Variants in NEK1 observed in about 807,000 individuals in gnomAD.
NEK1 encodes NIMA related kinase 1.
Under a neutral mutation model 182.1 loss-of-function variants are expected in NEK1, and 137 were observed. The ratio of observed to expected loss-of-function variants is 0.75; its 90% CI spans 0.65 to 0.87. NEK1 has a LOEUF of 0.87. Among genes scored for constraint, NEK1 ranks in the 40% least tolerant of loss-of-function variants. The pLI is 0.00. For synonymous variants in NEK1, 513 were observed against 492.2 expected (o/e 1.04, Z -0.56); for missense variants, 1,391 against 1,494.4 (o/e 0.93, Z 1.14).
intron 18 of NEK1, among the ~76,000 whole-genome samples, chr4:169,553,390 T>C (rs971366392): frequency 1.3e-5 from 2 of 152,042 alleles, no homozygotes; most frequent in African/African-American, 4.8e-5. Flanking sequence ...AGATAAAACA[T>C]TAAACTATAA....
chr4:169,595,403 G>A (rs1769268432), intron 5 of NEK1, among the ~76,000 whole-genome samples: 1 of 152,066 alleles, frequency 6.6e-6, no homozygotes, highest in Non-Finnish European at 1.5e-5. Context: ...AACTTAAAAT[G>A]ATATTTGATC....
chr4:169,505,710 T>C (rs1451988985), intron 23 of NEK1, among the ~76,000 whole-genome samples: 2 of 152,216 alleles, frequency 1.3e-5, no homozygotes, highest in Admixed American at 6.5e-5. Flanking sequence ...CTATGATGTA[T>C]ATCACGACTA....
chr4:169,574,157 C>CA lies in NEK1; in HGVS notation c.1020+2770dup, dbSNP rs1344144013. Among the ~76,000 whole-genome samples, 5 of 151,430 alleles carry CA rather than the reference C, an allele frequency of 3.3e-5. No homozygotes were observed. The Middle Eastern group carries it at 0.017, about 519-fold the overall frequency. ...TGGGCAACAGAGCAAGACTCTTTCTCAAAAAGAAAAGAAAAGAGAAAGAAA... is the reference window on the plus strand; with the variant it reads ...TGGGCAACAGAGCAAGACTCTTTCTCAAAAAAGAAAAGAAAAGAGAAAGAAA... On this transcript the variant is annotated intron_variant, in intron 12 of 35. Coordinates refer to ENST00000507142, the MANE Select transcript of NEK1 (RefSeq NM_001199397.3).
chr4:169,528,197 G>A (rs1757169621), intron 19 of NEK1, among the ~76,000 whole-genome samples: 1 of 152,092 alleles, frequency 6.6e-6, no homozygotes, highest in African/African-American at 2.4e-5. Flanking sequence ...AACAGACTAT[G>A]ACAAAAGTAA....
chr4:169,482,424 T>A (rs1228954524), intron 23 of NEK1, among the ~76,000 whole-genome samples: 1 of 151,928 alleles, frequency 6.6e-6, no homozygotes, highest in African/African-American at 2.4e-5. Flanking sequence ...CTCAATGTGG[T>A]TGGGACTATA....
chr4:169,427,123 T>G (rs1736531921), intron 29 of NEK1, among the ~76,000 whole-genome samples: 1 of 152,194 alleles, frequency 6.6e-6, no homozygotes, highest in Non-Finnish European at 1.5e-5. Flanking sequence ...TATTTTATCT[T>G]TTAAATTTAT....
chr4:169,463,700 C>G (rs909865964), intron 26 of NEK1, among the ~76,000 whole-genome samples: 1 of 152,084 alleles, frequency 6.6e-6, no homozygotes, highest in African/African-American at 2.4e-5. Context: ...TGCTTGGGGC[C>G]AGAAGTGTTT....
chr4:169,580,848 T>G lies in NEK1; in HGVS notation c.862A>C (p.Ile288Leu). 6.5e-7 allele frequency: 1 copy of G among 1,527,674 alleles called. No individual in the cohort carries two copies. Among genetic ancestry groups the G allele is most frequent in the Non-Finnish European group, 8.9e-7 (1 of 1,127,862 alleles). The allele number at this position is 1,527,674 out of a possible 1,614,324, so 94.6% of individuals were successfully genotyped here. A position where few individuals can be genotyped will look rare whatever the true frequency, so the allele number is the denominator to read the frequency against. The change falls in exon 11 of 36, where the codon ATA becomes CTA. Residue 288 changes from isoleucine (I) to leucine (L), a missense_variant. Physicochemically the swap from Ile to Leu is conservative, Grantham distance 5. Around this residue, in one of 5 missense-constraint regions of NEK1, gnomAD observed 1,216 missense variants for 1,277.6 expected, o/e 0.95. Coordinates refer to ENST00000507142, the MANE Select transcript of NEK1 (RefSeq NM_001199397.3). ...CATATCAGATTTCATTTACCTGGTA[T>G]AGGCTGTGATCCAAACTTCGAAAAT... Reference protein sequence around the residue: ...KTFSKFGSQPIPAKRPASGQN... With the variant: ...KTFSKFGSQPLPAKRPASGQN...
At chr4:169,510,351 T>C (rs1378859412) in intron 19 of NEK1, among the ~76,000 whole-genome samples, 1 of 152,184 alleles carries the variant, frequency 6.6e-6, no homozygotes, top group Non-Finnish European at 1.5e-5. Flanking sequence ...CTTTTTACTA[T>C]ATAATCTTAT....
At chr4:169,554,639 C>G (rs992308964) in intron 18 of NEK1, 1 of 152,086 alleles carries the variant, frequency 6.6e-6, no homozygotes, top group East Asian at 1.9e-4. Context: ...GTAAAGCAAC[C>G]AGTGGTTGCC....
At chr4:169,577,222 T>G (rs1765832907) in intron 11 of NEK1, 143 bp from the exon 12 acceptor site, 1 of 863,882 alleles carries the variant, frequency 1.2e-6, no homozygotes, top group African/African-American at 1.7e-5. Context: ...AATTCATCCC[T>G]TAGTATTTAC....
At chr4:169,440,311 T>C (rs1327531206) in intron 27 of NEK1, among the ~76,000 whole-genome samples, 1 of 152,022 alleles carries the variant, frequency 6.6e-6, no homozygotes, top group Non-Finnish European at 1.5e-5. Context: ...ATAAAACCAA[T>C]GAAATATATA....
rs369739899 is a variant in NEK1 at position 169,566,983 on chromosome 4, T to C, written c.1021-4787A>G. Among the ~76,000 whole-genome samples, 22 of 151,996 alleles carry C rather than the reference T, an allele frequency of 1.4e-4. No individual in the cohort carries two copies. The East Asian group carries it at 3.1e-3, about 21-fold the overall frequency. On this transcript the variant is annotated intron_variant, in intron 12 of 35. Coordinates refer to ENST00000507142, the MANE Select transcript of NEK1 (RefSeq NM_001199397.3). ...GGTAGTATGCACATGTAGTCCCAGC[T>C]ACTTGGGAGGCAGAGGTGATTGCTT... is the stretch of plus-strand genomic sequence containing the variant.
intron 18 of NEK1, among the ~76,000 whole-genome samples, chr4:169,539,311 A>C (rs1759011574): frequency 6.6e-6 from 1 of 152,208 alleles, no homozygotes; most frequent in African/African-American, 2.4e-5. Context: ...AATGCAATTT[A>C]TCTCCTGCAT....
In NEK1 at chr4:169,438,733, G is replaced by A. The variant is rs369820606; in HGVS notation, c.2588-474C>T. ...ACCTTCTCACTCCTATTAATCCGTT[G>A]AAGATTTTACTTTCCAGGTTACAAG... On this transcript the variant is annotated intron_variant, in intron 27 of 35. Transcript: ENST00000507142. Among the ~76,000 whole-genome samples the A allele has an allele frequency of 1.1e-3, 163 of 152,222 alleles. 2 individuals are homozygous for A. The South Asian group carries it at 0.034, about 31-fold the overall frequency.
rs1226015288 is a variant in NEK1 at position 169,509,413 on chromosome 4, C to G, written c.1666-561G>C. Among the ~76,000 whole-genome samples, 3 of 152,188 alleles carry G rather than the reference C, an allele frequency of 2.0e-5. No homozygotes were observed. The South Asian group carries it at 6.2e-4, about 32-fold the overall frequency. ...TGAACATAGTTTATATATTTCTCTT[C>G]CTTCAGCATACGAGCATGCTTCGAC... is the stretch of plus-strand genomic sequence containing the variant. On this transcript the variant is annotated intron_variant, in intron 19 of 35. Transcript: ENST00000507142.
At chr4:169,603,725 T>TTTA (rs10634482) in intron 2 of NEK1, among the ~76,000 whole-genome samples, 1 of 150,388 alleles carries the variant, frequency 6.6e-6, no homozygotes. Flanking sequence ...TTTTTTTTTT[T>TTTA]AAGACAGTCT....
At chr4:169,575,162 T>G (rs988412981) in intron 12 of NEK1, among the ~76,000 whole-genome samples, 19 of 152,006 alleles carry the variant, frequency 1.2e-4, no homozygotes, top group African/African-American at 3.9e-4. Context: ...TAAAGAGAGA[T>G]AAAACGATAA....
At chr4:169,537,442 A>G (rs1485719565) in intron 19 of NEK1, among the ~76,000 whole-genome samples, 1 of 152,148 alleles carries the variant, frequency 6.6e-6, no homozygotes, top group Non-Finnish European at 1.5e-5. Context: ...TTGCCACTTA[A>G]AAGTATGTAA....
Sources: gnomAD v4.1 joint callset for allele counts (sites outside exome capture counted in the v4.1 genomes callset) on GRCh38, gnomAD v4.1.1 for gene constraint, gnomAD v4.1.1 regional missense constraint, MANE v1.5 for transcripts, NCBI Gene and HGNC (gene_info 2026-07-23, HGNC 2026-07-21) for gene names.